Variants in RGS7BP observed in about 807,000 individuals in gnomAD.
RGS7BP encodes regulator of G protein signaling 7-binding protein.
Under a neutral mutation model 31.3 loss-of-function variants are expected in RGS7BP, and 9 were observed. The observed-to-expected ratio is 0.29, with a 90% CI of 0.17 to 0.50. RGS7BP has a LOEUF of 0.50. Among genes scored for constraint, RGS7BP ranks in the 20% least tolerant of loss-of-function variants. The pLI, the probability that RGS7BP is intolerant of heterozygous loss-of-function variation, is 0.98. For missense variants in RGS7BP, 274 were observed against 322.0 expected (o/e 0.85, Z 1.14); for synonymous variants, 115 against 120.1 (o/e 0.96, Z 0.28).
intron 2 of RGS7BP, among the ~76,000 whole-genome samples, chr5:64,519,983 A>C (rs1749068341): frequency 6.6e-6 from 1 of 152,182 alleles, no homozygotes; most frequent in Non-Finnish European, 1.5e-5. Context: ...CTACGGTTCC[A>C]AGATGTCGGT....
intron 2 of RGS7BP, 103 bp downstream of exon 2, chr5:64,507,980 G>A: frequency 1.0e-6 from 1 of 991,438 alleles, no homozygotes; most frequent in Non-Finnish European, 1.5e-6. Context: ...ACATATTTGA[G>A]ATTTTAACCT....
chr5:64,594,626 C>T, intron 3 of RGS7BP, 84 bp from the exon 4 acceptor site: 1 of 1,364,324 alleles, frequency 7.3e-7, no homozygotes. Flanking sequence ...GCATAGCCAA[C>T]CTTAGCACTG....
At chr5:64,522,882 C>A (rs1479705173) in intron 2 of RGS7BP, among the ~76,000 whole-genome samples, 2 of 152,148 alleles carry the variant, frequency 1.3e-5, no homozygotes, top group Non-Finnish European at 2.9e-5. Flanking sequence ...TCACACAGTT[C>A]ATTCCAGGAA....
rs146673007 is a variant in RGS7BP at position 64,575,544 on chromosome 5, G to A, written c.333-230G>A. The A allele has an allele frequency of 2.7e-4, 143 of 521,932 alleles. 2 individuals are homozygous for A. The East Asian group carries it at 6.3e-3, about 23-fold the overall frequency. The allele number at this position is 521,932 out of a possible 1,614,324, so 32.3% of individuals were successfully genotyped here. On this transcript the variant is annotated intron_variant, in intron 2 of 5. Coordinates refer to ENST00000334025, the MANE Select transcript of RGS7BP (RefSeq NM_001029875.3). ...AAAGCATTTATGATTTTAAGCTCCC[G>A]GCAGAACTCTGCTGCTGAAGGGGAA...
intron 4 of RGS7BP, 56 bp from the exon 5 acceptor site, chr5:64,598,309 A>G: frequency 2.0e-6 from 2 of 994,196 alleles, no homozygotes; most frequent in Non-Finnish European, 3.2e-6. Context: ...AGATTGTTTG[A>G]GATTTCATTT....
At chr5:64,578,519 A>C (rs959120590) in intron 3 of RGS7BP, among the ~76,000 whole-genome samples, 12 of 152,212 alleles carry the variant, frequency 7.9e-5, no homozygotes, top group African/African-American at 2.7e-4. Context: ...ATTCTGAAAC[A>C]CATTGAGGAT....
intron 3 of RGS7BP, among the ~76,000 whole-genome samples, chr5:64,592,261 A>G: frequency 6.6e-6 from 1 of 152,172 alleles, no homozygotes; most frequent in East Asian, 1.9e-4. Context: ...TTGTGAGCTG[A>G]CAGAAAGCCC....
chr5:64,586,969 A>C (rs1742772810), intron 3 of RGS7BP, among the ~76,000 whole-genome samples: 1 of 152,206 alleles, frequency 6.6e-6, no homozygotes, highest in Non-Finnish European at 1.5e-5. Context: ...ACAATACCAA[A>C]TCTCAGTGGA....
rs139886204 is a variant in RGS7BP at position 64,606,767 on chromosome 5, A to C, written c.683-2394A>C. ...GATGTTCTCCTGAAAACTGAGGCTAATGTTTAGTATCTAACACTGTTTTCA... is the reference window on the plus strand; with the variant it reads ...GATGTTCTCCTGAAAACTGAGGCTACTGTTTAGTATCTAACACTGTTTTCA... On this transcript the variant is annotated intron_variant, in intron 5 of 5. Coordinates refer to ENST00000334025, the MANE Select transcript of RGS7BP (RefSeq NM_001029875.3). 1.2e-4 allele frequency among the ~76,000 whole-genome samples: 18 copies of C among 152,242 alleles called. No individual in the cohort carries two copies. The East Asian group carries it at 3.5e-3, about 29-fold the overall frequency.
chr5:64,585,391 C>T lies in RGS7BP; in HGVS notation c.464-9319C>T, dbSNP rs114815483. On this transcript the variant is annotated intron_variant, in intron 3 of 5. Transcript: ENST00000334025. ...AAGATATTATCTATGGCAGTGCCTTCCATTGTCACTGGCAAGCTGAAGACA... is the reference window on the plus strand; with the variant it reads ...AAGATATTATCTATGGCAGTGCCTTTCATTGTCACTGGCAAGCTGAAGACA... Among the ~76,000 whole-genome samples the T allele has an allele frequency of 4.4e-3, 668 of 152,000 alleles. 5 individuals carry two copies. The highest frequency in any genetic ancestry group is 0.012 in the African/African-American group (510 of 41,442).
intron 2 of RGS7BP, among the ~76,000 whole-genome samples, chr5:64,557,186 G>A (rs1206759190): frequency 6.6e-6 from 1 of 152,138 alleles, no homozygotes; most frequent in African/African-American, 2.4e-5. Context: ...TCTTGGGAAA[G>A]AATGGGCTGT....
intron 2 of RGS7BP, among the ~76,000 whole-genome samples, chr5:64,549,730 C>T (rs560033840): frequency 1.5e-4 from 23 of 152,102 alleles, no homozygotes; most frequent in Non-Finnish European, 2.4e-4. Context: ...CCAGCCACAC[C>T]CTTGGTGTTC....
intron 1 of RGS7BP, among the ~76,000 whole-genome samples, chr5:64,507,032 G>C (rs997254594): frequency 1.3e-5 from 2 of 152,162 alleles, no homozygotes; most frequent in African/African-American, 2.4e-5. Flanking sequence ...GCGGCTGTAG[G>C]TTGTGCCTGT....
intron 5 of RGS7BP, among the ~76,000 whole-genome samples, chr5:64,606,166 AC>A (rs1451465360): frequency 6.6e-6 from 1 of 151,722 alleles, no homozygotes; most frequent in Non-Finnish European, 1.5e-5. Flanking sequence ...ATAAGGGTGA[AC>A]CTTGAAACAA....
At chr5:64,597,902 C>A (rs1743116717) in intron 4 of RGS7BP, among the ~76,000 whole-genome samples, 1 of 152,166 alleles carries the variant, frequency 6.6e-6, no homozygotes, top group Admixed American at 6.5e-5. Flanking sequence ...CAAATTTTAA[C>A]AAACGAGCAA....
chr5:64,604,741 A>G (rs556123499), intron 5 of RGS7BP, among the ~76,000 whole-genome samples: 1 of 152,252 alleles, frequency 6.6e-6, no homozygotes, highest in South Asian at 2.1e-4. Context: ...CCTGGAATAG[A>G]TATTTGTAAC....
chr5:64,551,856 A>G (rs1347297362), intron 2 of RGS7BP, among the ~76,000 whole-genome samples: 2 of 152,102 alleles, frequency 1.3e-5, no homozygotes, highest in African/African-American at 4.8e-5. Context: ...TCACTTTTCA[A>G]TTGTTCCAAT....
At chr5:64,522,614 A>C (rs1306403575) in intron 2 of RGS7BP, among the ~76,000 whole-genome samples, 1 of 152,248 alleles carries the variant, frequency 6.6e-6, no homozygotes, top group Non-Finnish European at 1.5e-5. Flanking sequence ...ATGCACCATA[A>C]TGCAAAATCA....
intron 2 of RGS7BP, 132 bp from the exon 3 acceptor site, chr5:64,575,642 G>T: frequency 2.9e-6 from 4 of 1,368,924 alleles, no homozygotes; most frequent in Non-Finnish European, 3.8e-6. Context: ...TTGAAAGCAG[G>T]AAGTCCTATA....
Sources: gnomAD v4.1 joint callset for allele counts (sites outside exome capture counted in the v4.1 genomes callset) on GRCh38, gnomAD v4.1.1 for gene constraint, MANE v1.5 for transcripts, NCBI Gene and HGNC (gene_info 2026-07-23, HGNC 2026-07-21) for gene names.